Variants in U2SURP observed in about 807,000 individuals in gnomAD.
U2SURP encodes U2 snRNP associated SURP domain containing, also known as U2 snRNP-associated SURP motif-containing protein.
Under a neutral mutation model 144.9 loss-of-function variants are expected in U2SURP, and 9 were observed. The ratio of observed to expected loss-of-function variants is 0.06; its 90% CI spans 0.04 to 0.11. The LOEUF is 0.11. Ranked by LOEUF, U2SURP falls within the 10% of genes least tolerant of loss-of-function variation. The pLI, the probability that U2SURP is intolerant of heterozygous loss-of-function variation, is 1.00. For missense variants in U2SURP, 724 were observed against 1,226.7 expected (o/e 0.59, Z 6.12); for synonymous variants, 408 against 396.8 (o/e 1.03, Z -0.33).
chr3:143,028,488 T>G lies in U2SURP; in HGVS notation c.1452T>G (p.Asp484Glu), dbSNP rs1187895563. The G allele has an allele frequency of 1.9e-6, 3 of 1,595,084 alleles. No homozygotes were observed. Among genetic ancestry groups the G allele is most frequent in the Non-Finnish European group, 2.6e-6 (3 of 1,174,814 alleles). The change falls in exon 16 of 28, where the codon GAT (aspartate) becomes GAG (glutamate). Residue 484 changes from aspartate to glutamate, a missense_variant. Physicochemically the swap from Asp to Glu is conservative, Grantham distance 45. Coordinates refer to ENST00000473835, the MANE Select transcript of U2SURP (RefSeq NM_001080415.2). ...RWKLYSILQG[D>E]SPTKWRTEDF... ...TAACTCTAAATGTTTGTTAGGGAGA[T>G]TCTCCAACTAAATGGCGGACGGAAG...
At chr3:143,047,834 A>T (rs1398701994) in intron 24 of U2SURP, among the ~76,000 whole-genome samples, 1 of 106,186 alleles carries the variant, frequency 9.4e-6, no homozygotes, top group East Asian at 3.4e-4. Context: ...GGCCGGGCAG[A>T]GGAGCCCCTC....
intron 24 of U2SURP, among the ~76,000 whole-genome samples, chr3:143,045,502 T>C (rs1934387052): frequency 6.6e-6 from 1 of 152,158 alleles, no homozygotes; most frequent in Non-Finnish European, 1.5e-5. Context: ...ATGCCCCAAC[T>C]GTTTAGTATG....
Position 143,058,552 on chromosome 3 carries a change from C to T in U2SURP, c.*2102C>T, listed in dbSNP as rs780636700. On this transcript the variant is annotated 3_prime_UTR_variant, in exon 28 of 28. Coordinates refer to ENST00000473835, the MANE Select transcript of U2SURP (RefSeq NM_001080415.2). ...ATATTCTGTGAAGTTTGTTAATGTA[C>T]ATATTAGATTGTATTGGATTTTTTT... 6.6e-6 allele frequency: 1 copy of T among 151,628 alleles called. No homozygotes were observed. The highest frequency in any genetic ancestry group is 1.5e-5 in the Non-Finnish European group (1 of 67,754). The allele number at this position is 151,628 out of a possible 1,614,324, so 9.4% of individuals were successfully genotyped here.
intron 23 of U2SURP, among the ~76,000 whole-genome samples, chr3:143,040,991 T>C (rs1296323171): frequency 6.6e-6 from 1 of 151,874 alleles, no homozygotes; most frequent in Non-Finnish European, 1.5e-5. Context: ...TTACCTGTTC[T>C]GTATTCATCT....
chr3:143,046,365 C>G (rs1482111141), intron 24 of U2SURP, among the ~76,000 whole-genome samples: 2 of 121,926 alleles, frequency 1.6e-5, no homozygotes, highest in African/African-American at 6.4e-5. Context: ...GTGTTTCTCG[C>G]AGAGGGGGAT....
At chr3:143,009,885 G>C (rs1936035788) in intron 1 of U2SURP, among the ~76,000 whole-genome samples, 1 of 152,068 alleles carries the variant, frequency 6.6e-6, no homozygotes, top group African/African-American at 2.4e-5. Context: ...TCTTGTCTGG[G>C]AGTTGGGGTC....
rs761697909 is a variant in U2SURP at position 143,016,931 on chromosome 3, A to C, written c.526A>C (p.Asn176His). 6.3e-7 allele frequency: 1 copy of C among 1,594,068 alleles called. No individual in the cohort carries two copies. The highest frequency in any genetic ancestry group is 1.4e-5 in the African/African-American group (1 of 73,354). ...AAAAAATCCTCCAAATCAGTCTTCCAATGAAAGACCACCATCTCTTCTTGT... is the reference window on the plus strand; with the variant it reads ...AAAAAATCCTCCAAATCAGTCTTCCCATGAAAGACCACCATCTCTTCTTGT... ...DQKNPPNQSS[N>H]ERPPSLLVIE... is the part of the protein sequence containing the mutation. Residue 176 changes from asparagine (N) to histidine (H), a missense_variant, in exon 6 of 28, where the codon AAT becomes CAT. Physicochemically the swap from Asn to His is moderately conservative, Grantham distance 68. This residue lies in a region of U2SURP where 115 missense variants were observed against 258.1 expected (regional missense o/e 0.45). Coordinates refer to ENST00000473835, the MANE Select transcript of U2SURP (RefSeq NM_001080415.2).
intron 1 of U2SURP, among the ~76,000 whole-genome samples, chr3:143,006,475 G>T (rs916376444): frequency 6.6e-6 from 1 of 152,118 alleles, no homozygotes; most frequent in South Asian, 2.1e-4. Context: ...ATTTTTAGCG[G>T]CCGGGCACAG....
chr3:143,046,136 C>T (rs1323475732), intron 24 of U2SURP, among the ~76,000 whole-genome samples: 2 of 151,804 alleles, frequency 1.3e-5, no homozygotes, highest in Non-Finnish European at 2.9e-5. Context: ...AATAAAGATA[C>T]CTATAGCTGA....
intron 24 of U2SURP, among the ~76,000 whole-genome samples, chr3:143,047,943 C>T (rs1332554097): frequency 6.6e-6 from 1 of 152,162 alleles, no homozygotes; most frequent in African/African-American, 2.4e-5. Flanking sequence ...TCACATACCA[C>T]TGAGAGCAGT....
rs149625881 is a variant in U2SURP, at chr3:143,057,565, T to G, written c.*1115T>G. The G allele has an allele frequency of 4.6e-5, 7 of 152,222 alleles. No individual in the cohort carries two copies. In the East Asian group the frequency reaches 1.3e-3, roughly 29 times the overall value. 9.4% of individuals were successfully genotyped at this position (152,222 alleles called of 1,614,324 possible). On this transcript the variant is annotated 3_prime_UTR_variant, in exon 28 of 28. Coordinates refer to ENST00000473835, the MANE Select transcript of U2SURP (RefSeq NM_001080415.2). Reference sequence around the variant, plus strand: ...AACTCTATTATGAAAATAAATTTGCTACGGTATGAGGAAGAAATAAAACTT... The same window carrying G: ...AACTCTATTATGAAAATAAATTTGCGACGGTATGAGGAAGAAATAAAACTT...
chr3:143,015,038 T>C (rs1936297663), intron 4 of U2SURP, among the ~76,000 whole-genome samples: 1 of 152,098 alleles, frequency 6.6e-6, no homozygotes, highest in Non-Finnish European at 1.5e-5. Context: ...ATGTAGTTTT[T>C]CTATATTTGT....
At position 143,056,811 on chromosome 3, in the gene U2SURP, T is replaced by G; in HGVS notation, c.*361T>G. The G allele has an allele frequency of 5.3e-6, 1 of 187,812 alleles. No individual in the cohort carries two copies. The highest frequency in any genetic ancestry group is 1.1e-4 in the South Asian group (1 of 9,188). 11.6% of individuals were successfully genotyped at this position (187,812 alleles called of 1,614,324 possible). A position where few individuals can be genotyped will look rare whatever the true frequency, so the allele number is the denominator to read the frequency against. On this transcript the variant is annotated 3_prime_UTR_variant, in exon 28 of 28. Coordinates refer to ENST00000473835, the MANE Select transcript of U2SURP (RefSeq NM_001080415.2). ...CCTTTTGTAGCTTTGACAATTTGAA[T>G]TAGATTTCAAATAAAATCTGAACAG...
Position 143,059,942 on chromosome 3 carries a change from T to C in U2SURP, c.*3492T>C, listed in dbSNP as rs1935307058. 1 of 152,390 alleles carries C rather than the reference T, an allele frequency of 6.6e-6. No individual in the cohort carries two copies. The highest frequency in any genetic ancestry group is 6.6e-5 in the Admixed American group (1 of 15,234). The allele number at this position is 152,390 out of a possible 1,614,324, so 9.4% of individuals were successfully genotyped here. ...TATCCTTTTGACTTAAAATTTTTGT[T>C]ACCAACTTCCTAGGACTTAGATAAT... On this transcript the variant is annotated 3_prime_UTR_variant, in exon 28 of 28. Transcript: ENST00000473835.
At position 143,028,555 on chromosome 3, in the gene U2SURP, C is replaced by A; in HGVS notation, c.1519C>A (p.Pro507Thr). ...AAATGGATCTTTTTGGAGGCCACCA[C>A]CATTAAATCCGTACTTGCATGGAAT... ...FKNGSFWRPPPLNPYLHGMSE... is the reference protein window; with the variant it reads ...FKNGSFWRPPTLNPYLHGMSE... The change falls in exon 16 of 28, where the codon CCA becomes ACA. Residue 507 changes from proline to threonine, a missense_variant. By Grantham distance (38) the Pro-to-Thr change is conservative. Around this residue, in one of 13 missense-constraint regions of U2SURP, gnomAD observed 66 missense variants for 95.0 expected, o/e 0.69. Transcript: ENST00000473835. 6.3e-7 allele frequency: 1 copy of A among 1,594,938 alleles called. No individual in the cohort carries two copies. The highest frequency in any genetic ancestry group is 8.5e-7 in the Non-Finnish European group (1 of 1,175,088).
intron 13 of U2SURP, among the ~76,000 whole-genome samples, chr3:143,025,375 T>C (rs1290298280): frequency 6.6e-6 from 1 of 152,176 alleles, no homozygotes; most frequent in East Asian, 1.9e-4. Flanking sequence ...GATGAATCCT[T>C]TGTTTTTAAA....
chr3:143,028,071 C>T (rs542433505), intron 14 of U2SURP, among the ~76,000 whole-genome samples: 5 of 152,210 alleles, frequency 3.3e-5, no homozygotes, highest in Non-Finnish European at 7.4e-5. Flanking sequence ...GACACAGTAT[C>T]TGCCATGTAA....
intron 5 of U2SURP, 117 bp from the exon 6 acceptor site, chr3:143,016,725 T>A (rs1936385613): frequency 1.1e-6 from 1 of 869,968 alleles, no homozygotes; most frequent in Non-Finnish European, 1.7e-6. Context: ...TCATATTTGT[T>A]AATAGTGATA....
chr3:143,022,442 T>C (rs999437525), intron 10 of U2SURP, 55 bp from the exon 11 acceptor site: 18 of 1,421,850 alleles, frequency 1.3e-5, no homozygotes, highest in African/African-American at 2.9e-5. Context: ...TTTCTGAAAA[T>C]AATTTTTTCT....
Sources: gnomAD v4.1 joint callset for allele counts (sites outside exome capture counted in the v4.1 genomes callset) on GRCh38, gnomAD v4.1.1 for gene constraint, gnomAD v4.1.1 regional missense constraint, MANE v1.5 for transcripts, NCBI Gene and HGNC (gene_info 2026-07-23, HGNC 2026-07-21) for gene names.